Variants in RCBTB1 observed in about 807,000 individuals in gnomAD.
RCBTB1 encodes RCC1 and BTB domain-containing protein 1.
Under a neutral mutation model 62.4 loss-of-function variants are expected in RCBTB1, and 46 were observed. The observed-to-expected ratio is 0.74, with a 90% CI of 0.58 to 0.94. The LOEUF (loss-of-function observed/expected upper bound fraction) is 0.94. Ranked by LOEUF, RCBTB1 falls within the 40% of genes least tolerant of loss-of-function variation. The pLI is 0.00. For missense variants in RCBTB1, 565 were observed against 654.9 expected (o/e 0.86, Z 1.50); for synonymous variants, 222 against 245.8 (o/e 0.90, Z 0.91).
At chr13:49,563,056 A>T (rs1363424875) in intron 4 of RCBTB1, among the ~76,000 whole-genome samples, 1 of 151,576 alleles carries the variant, frequency 6.6e-6, no homozygotes, top group Non-Finnish European at 1.5e-5. Context: ...AAATAAAAAT[A>T]AAAAAAAGAT....
intron 2 of RCBTB1, among the ~76,000 whole-genome samples, chr13:49,571,602 G>A (rs1256401841): frequency 6.6e-6 from 1 of 152,168 alleles, no homozygotes; most frequent in East Asian, 1.9e-4. Flanking sequence ...GGGCAGCTGA[G>A]AACATGAACT....
chr13:49,536,023 CAAAA>C (rs1278525748), intron 12 of RCBTB1, among the ~76,000 whole-genome samples: 1 of 80,012 alleles, frequency 1.2e-5, no homozygotes, highest in Non-Finnish European at 2.6e-5. Flanking sequence ...AACTCCATCT[CAAAA>C]AAAAAAAAAA....
chr13:49,558,695 C>CAAAAAAAAAAAA lies in RCBTB1; in HGVS notation c.444+1211_444+1222dup, dbSNP rs1186659232. ...GGCAAGAAGGGTGAAACTCTGTCTC[C>CAAAAAAAAAAAA]AAAAAAAAAAAAAAAAAAAAAATTC... On this transcript the variant is annotated intron_variant, in intron 5 of 12. Transcript: ENST00000378302. Among the ~76,000 whole-genome samples the CAAAAAAAAAAAA allele has an allele frequency of 1.3e-4, 8 of 59,370 alleles. 1 individual carries two copies. The highest frequency in any genetic ancestry group is 5.6e-4 in the African/African-American group (8 of 14,392). The allele number at this position is 59,370 out of a possible 152,430, so 38.9% of individuals were successfully genotyped here.
rs994270891 is a variant in RCBTB1, at chr13:49,556,025, TTGTG to T, written c.445-356_445-353del. Among the ~76,000 whole-genome samples the T allele has an allele frequency of 6.6e-5, 10 of 151,948 alleles. No individual in the cohort carries two copies. The East Asian group carries it at 1.6e-3, about 24-fold the overall frequency. On this transcript the variant is annotated intron_variant, in intron 5 of 12. Coordinates refer to ENST00000378302, the MANE Select transcript of RCBTB1 (RefSeq NM_018191.4). ...CACCATGCTACATTCCCTCTATAAT[TTGTG>T]TGTGTGTGTATACACACACAACTAC...
intron 6 of RCBTB1, 141 bp downstream of exon 6, chr13:49,555,374 G>A (rs2139202370): frequency 2.8e-6 from 2 of 713,500 alleles, no homozygotes; most frequent in Non-Finnish European, 4.8e-6. Flanking sequence ...CAGCTCCTCA[G>A]TCAGTAATCA....
chr13:49,546,678 G>A (rs1022576163), intron 9 of RCBTB1, among the ~76,000 whole-genome samples: 15 of 152,170 alleles, frequency 9.9e-5, no homozygotes, highest in African/African-American at 3.6e-4. Flanking sequence ...TAAGGAGCTC[G>A]CAACCTGTAT....
intron 9 of RCBTB1, among the ~76,000 whole-genome samples, chr13:49,546,600 T>C (rs1960803133): frequency 6.6e-6 from 1 of 152,258 alleles, no homozygotes; most frequent in Non-Finnish European, 1.5e-5. Context: ...CTTGTTTTCC[T>C]ACAACTGGAC....
intron 6 of RCBTB1, among the ~76,000 whole-genome samples, chr13:49,552,532 G>A (rs759656755): frequency 2.0e-5 from 3 of 152,096 alleles, no homozygotes; most frequent in Non-Finnish European, 4.4e-5. Context: ...TTTAATACAT[G>A]AGGAAGTTGA....
At chr13:49,553,214 C>T (rs1011501166) in intron 6 of RCBTB1, among the ~76,000 whole-genome samples, 1 of 151,976 alleles carries the variant, frequency 6.6e-6, no homozygotes, top group Non-Finnish European at 1.5e-5. Context: ...GGGAAAGTGA[C>T]AAAAAACCTA....
chr13:49,580,127 A>G (rs1964011272), intron 2 of RCBTB1, among the ~76,000 whole-genome samples: 1 of 152,234 alleles, frequency 6.6e-6, no homozygotes, highest in African/African-American at 2.4e-5. Context: ...AGATCTTATA[A>G]AAGTATTGCT....
chr13:49,565,306 T>C (rs1962845123), intron 4 of RCBTB1, among the ~76,000 whole-genome samples: 1 of 152,172 alleles, frequency 6.6e-6, no homozygotes, highest in Non-Finnish European at 1.5e-5. Context: ...CGGAGTCTCG[T>C]TCACTCAGTG....
intron 6 of RCBTB1, among the ~76,000 whole-genome samples, chr13:49,555,258 T>C (rs1489168520): frequency 2.0e-5 from 3 of 152,230 alleles, no homozygotes; most frequent in African/African-American, 7.2e-5. Context: ...GCTATAGGCA[T>C]TAGGCTCTTT....
chr13:49,569,410 C>A (rs1216811414), intron 2 of RCBTB1, among the ~76,000 whole-genome samples: 2 of 143,586 alleles, frequency 1.4e-5, no homozygotes, highest in East Asian at 4.9e-4. Flanking sequence ...CCCATTTCTA[C>A]AAAAAATACA....
chr13:49,554,287 C>T (rs1961655054), intron 6 of RCBTB1, among the ~76,000 whole-genome samples: 1 of 152,112 alleles, frequency 6.6e-6, no homozygotes, highest in African/African-American at 2.4e-5. Flanking sequence ...TTTATTTTAT[C>T]TGTTTCACTT....
chr13:49,558,092 G>A (rs1008199557), intron 5 of RCBTB1, among the ~76,000 whole-genome samples: 5 of 152,164 alleles, frequency 3.3e-5, no homozygotes, highest in African/African-American at 4.8e-5. Flanking sequence ...TCCCGGCCAG[G>A]GCCACTGTCT....
chr13:49,547,132 C>G (rs1392890538), intron 9 of RCBTB1: 1 of 1,283,218 alleles, frequency 7.8e-7, no homozygotes, highest in East Asian at 5.6e-5. Context: ...GCCAAATAGT[C>G]CCATTCAGTG....
At chr13:49,548,160 G>A (rs1309772231) in intron 9 of RCBTB1, among the ~76,000 whole-genome samples, 3 of 152,058 alleles carry the variant, frequency 2.0e-5, no homozygotes, top group Non-Finnish European at 2.9e-5. Flanking sequence ...GGGAGGCTGA[G>A]GCGGGCGGAT....
At chr13:49,549,813 A>T (rs1961171610) in intron 8 of RCBTB1, 165 bp from the exon 9 acceptor site, 5 of 985,268 alleles carry the variant, frequency 5.1e-6, no homozygotes, top group Middle Eastern at 5.2e-4. Flanking sequence ...AGATCAGGGC[A>T]AGAGCACTGT....
At chr13:49,548,158 G>A (rs57776599) in intron 9 of RCBTB1, among the ~76,000 whole-genome samples, 1 of 151,986 alleles carries the variant, frequency 6.6e-6, no homozygotes, top group South Asian at 2.1e-4. Flanking sequence ...TTGGGAGGCT[G>A]AGGCGGGCGG....
Sources: allele counts gnomAD v4.1 joint callset (sites outside exome capture counted in the v4.1 genomes callset), GRCh38; gene constraint gnomAD v4.1.1; transcripts MANE v1.5; gene names NCBI Gene and HGNC (gene_info 2026-07-23, HGNC 2026-07-21).